TBCK: variants seen among roughly 807,000 people sequenced by gnomAD.
TBCK encodes the protein TBC domain-containing protein kinase-like protein.
In TBCK, 99 loss-of-function variants were observed where a neutral mutation model predicts 113.4. That is an observed-to-expected ratio of 0.87 (90% CI 0.74 to 1.03). The LOEUF is 1.03. Ranked by LOEUF, TBCK falls within the 50% of genes least tolerant of loss-of-function variation. The pLI, the probability that TBCK is intolerant of heterozygous loss-of-function variation, is 0.00. For missense variants in TBCK, 1,045 were observed against 1,061.3 expected, an observed-to-expected ratio of 0.98 and a Z score of 0.21; for synonymous variants, 369 against 370.8, an observed-to-expected ratio of 1.00 and a Z score of 0.05.
chr4:106,176,952 T>C (rs1378336387), intron 22 of TBCK, among the ~76,000 whole-genome samples: 3 of 151,038 alleles, frequency 2.0e-5, no homozygotes, highest in African/African-American at 7.3e-5. Flanking sequence ...TGTTGGCCAT[T>C]TTTAAGTGTT....
intron 5 of TBCK, among the ~76,000 whole-genome samples, chr4:106,259,787 T>C (rs1186654713): frequency 6.6e-6 from 1 of 151,886 alleles, no homozygotes; most frequent in East Asian, 1.9e-4. Context: ...AAAATAATAA[T>C]GAAAATGTCT....
At chr4:106,268,633 T>C (rs1359783152) in intron 3 of TBCK, among the ~76,000 whole-genome samples, 1 of 152,038 alleles carries the variant, frequency 6.6e-6, no homozygotes, top group African/African-American at 2.4e-5. Context: ...AAAATACAAC[T>C]CTTCTAGTCT....
At chr4:106,098,708 T>C (rs1741214985) in intron 24 of TBCK, among the ~76,000 whole-genome samples, 1 of 152,084 alleles carries the variant, frequency 6.6e-6, no homozygotes, top group Non-Finnish European at 1.5e-5. Context: ...TATGGTTGTT[T>C]ACTATGCTGA....
intron 25 of TBCK, among the ~76,000 whole-genome samples, chr4:106,073,242 A>G (rs967988691): frequency 3.3e-5 from 5 of 152,302 alleles, no homozygotes; most frequent in East Asian, 3.9e-4. Context: ...GGTTTTATCT[A>G]TCTTTGGTCT....
chr4:106,065,696 T>C (rs936431265), intron 25 of TBCK, among the ~76,000 whole-genome samples: 3 of 152,048 alleles, frequency 2.0e-5, no homozygotes, highest in African/African-American at 7.2e-5. Context: ...CTTAGTAATA[T>C]AGCTTTGCTT....
At chr4:106,209,168 T>A (rs943150801) in intron 20 of TBCK, among the ~76,000 whole-genome samples, 1 of 152,122 alleles carries the variant, frequency 6.6e-6, no homozygotes, top group African/African-American at 2.4e-5. Flanking sequence ...ATTGCAGAAC[T>A]TTTTTACAAG....
intron 20 of TBCK, among the ~76,000 whole-genome samples, chr4:106,210,948 T>C (rs1756058389): frequency 6.6e-6 from 1 of 152,170 alleles, no homozygotes; most frequent in South Asian, 2.1e-4. Flanking sequence ...TTTTATTGGA[T>C]TATCTTTATA....
At chr4:106,300,093 T>C (rs927314058) in intron 2 of TBCK, among the ~76,000 whole-genome samples, 1 of 152,186 alleles carries the variant, frequency 6.6e-6, no homozygotes, top group Non-Finnish European at 1.5e-5. Context: ...ATCTGATGGT[T>C]CTATAAGGGG....
At position 106,292,058 on chromosome 4, in the gene TBCK, T is replaced by C. The variant is rs79800659; in HGVS notation, c.266+3036A>G. 4.0e-3 allele frequency among the ~76,000 whole-genome samples: 610 copies of C among 152,264 alleles called. 5 individuals are homozygous for C. The highest frequency in any genetic ancestry group is 0.014 in the African/African-American group (582 of 41,556). ...ATTCAAGTCTTTGAATGATTAAATA[T>C]CAGAGAAACTGAATTGGTCACTTTA... On this transcript the variant is annotated intron_variant, in intron 3 of 25. Transcript: ENST00000394708.
At chr4:106,196,214 T>TACACACA (rs1230252615) in intron 20 of TBCK, among the ~76,000 whole-genome samples, 2 of 151,862 alleles carry the variant, frequency 1.3e-5, no homozygotes, top group African/African-American at 4.8e-5. Flanking sequence ...TCGTTCTATA[T>TACACACA]ACACACATAT....
chr4:106,047,998 T>C (rs529853347), intron 25 of TBCK, among the ~76,000 whole-genome samples: 21 of 152,248 alleles, frequency 1.4e-4, no homozygotes, highest in African/African-American at 4.8e-4. Context: ...TAATACTTAG[T>C]AATATCTCAA....
intron 22 of TBCK, among the ~76,000 whole-genome samples, chr4:106,187,402 C>T (rs1753145889): frequency 6.6e-6 from 1 of 150,818 alleles, no homozygotes; most frequent in Admixed American, 6.6e-5. Context: ...TTTGTGTCAT[C>T]TATGATTTTT....
intron 22 of TBCK, among the ~76,000 whole-genome samples, chr4:106,176,228 A>G (rs79773898): frequency 0.14 from 21,433 of 152,060 alleles, 1,707 homozygotes; most frequent in South Asian, 0.25. Context: ...ATTGTTAACT[A>G]TAGTCATCCT....
chr4:106,055,541 A>G (rs1735285031), intron 25 of TBCK, among the ~76,000 whole-genome samples: 1 of 138,224 alleles, frequency 7.2e-6, no homozygotes, highest in African/African-American at 2.7e-5. Context: ...GTTTGTTGAA[A>G]GTTCAATTAT....
In TBCK at chr4:106,043,477, C is replaced by A. The variant is rs1000666312; in HGVS notation, c.*3093G>T. 5 of 152,008 alleles carry A rather than the reference C, an allele frequency of 3.3e-5. No individual in the cohort carries two copies. The highest frequency in any genetic ancestry group is 7.4e-5 in the Non-Finnish European group (5 of 67,992). 9.4% of individuals were successfully genotyped at this position (152,008 alleles called of 1,614,324 possible). A position where few individuals can be genotyped will look rare whatever the true frequency, so the allele number is the denominator to read the frequency against. ...TCAATTTTATATTAATTGAGCATAT[C>A]CAATGTGGTGGGTTGCTGAAGGTAG... On this transcript the variant is annotated 3_prime_UTR_variant, in exon 26 of 26. Transcript: ENST00000394708.
At chr4:106,124,666 C>G (rs1744920738) in intron 23 of TBCK, among the ~76,000 whole-genome samples, 2 of 152,038 alleles carry the variant, frequency 1.3e-5, no homozygotes, top group Admixed American at 1.3e-4. Flanking sequence ...GAATACTATG[C>G]AGCCATAAAA....
chr4:106,197,403 G>GTATATATATA (rs1482373580), intron 20 of TBCK, among the ~76,000 whole-genome samples: 11 of 110,924 alleles, frequency 9.9e-5, no homozygotes, highest in African/African-American at 3.2e-4. Flanking sequence ...GTGTGTGTGT[G>GTATATATATA]TGTGTGTGTA....
chr4:106,182,672 T>C (rs1398434085), intron 22 of TBCK: 1 of 152,086 alleles, frequency 6.6e-6, no homozygotes, highest in African/African-American at 2.4e-5. Flanking sequence ...TCTTATGACA[T>C]CGAACTATCC....
At chr4:106,304,757 C>A (rs900401419) in intron 2 of TBCK, among the ~76,000 whole-genome samples, 4 of 152,142 alleles carry the variant, frequency 2.6e-5, no homozygotes, top group African/African-American at 9.7e-5. Context: ...CTAAGCAGAA[C>A]ATAAATCTCC....
Sources: gnomAD v4.1 joint callset for allele counts (sites outside exome capture counted in the v4.1 genomes callset) on GRCh38, gnomAD v4.1.1 for gene constraint, MANE v1.5 for transcripts, NCBI Gene and HGNC (gene_info 2026-07-23, HGNC 2026-07-21) for gene names.